Variants in CTPS2 observed in about 807,000 individuals in gnomAD.
CTPS2 encodes the protein CTP synthase 2.
Under a neutral mutation model 46.8 loss-of-function variants are expected in CTPS2, and 19 were observed. The ratio of observed to expected loss-of-function variants is 0.41; its 90% CI spans 0.28 to 0.60. The LOEUF (loss-of-function observed/expected upper bound fraction) is 0.60. CTPS2 is among the 20% of genes least tolerant of loss of function. CTPS2 has a pLI of 0.35. For synonymous variants in CTPS2, 151 were observed against 165.2 expected (o/e 0.91, Z 0.66); for missense variants, 286 against 447.6 (o/e 0.64, Z 3.26).
intron 15 of CTPS2, among the ~76,000 whole-genome samples, chrX:16,619,111 T>C (rs748193263): frequency 1.8e-5 from 2 of 112,451 alleles, no homozygotes; most frequent in South Asian, 7.4e-4. Flanking sequence ...ACCAAAAATG[T>C]CCTACATGTA....
At chrX:16,608,696 A>C (rs1390500078) in intron 17 of CTPS2, among the ~76,000 whole-genome samples, 1 of 111,854 alleles carries the variant, frequency 8.9e-6, no homozygotes, top group Non-Finnish European at 1.9e-5. Context: ...CTGATTTATA[A>C]TAATGCTATG....
At chrX:16,671,577 C>T (rs1320862046) in intron 10 of CTPS2, among the ~76,000 whole-genome samples, 1 of 94,947 alleles carries the variant, frequency 1.1e-5, no homozygotes, top group Admixed American at 1.3e-4. Flanking sequence ...TGCAGTGGCG[C>T]GATCTCGGCC....
At chrX:16,692,461 C>T (rs994904223) in intron 6 of CTPS2, among the ~76,000 whole-genome samples, 3 of 110,293 alleles carry the variant, frequency 2.7e-5, no homozygotes, top group African/African-American at 6.6e-5. Flanking sequence ...AGCCAGACCC[C>T]GTCTCAAAAA....
intron 13 of CTPS2, among the ~76,000 whole-genome samples, chrX:16,665,659 CT>C (rs1921110962): frequency 8.9e-6 from 1 of 111,769 alleles, no homozygotes; most frequent in Non-Finnish European, 1.9e-5. Flanking sequence ...TGTGGGGTTT[CT>C]TTTTGGAGTA....
At chrX:16,666,748 G>C (rs1265963146) in intron 13 of CTPS2, among the ~76,000 whole-genome samples, 2 of 111,547 alleles carry the variant, frequency 1.8e-5, no homozygotes, top group African/African-American at 6.5e-5. Flanking sequence ...AGTGGCTTTG[G>C]GACCCAGCCC....
intron 16 of CTPS2, among the ~76,000 whole-genome samples, chrX:16,614,765 T>C (rs1337588578): frequency 9.2e-6 from 1 of 108,766 alleles, no homozygotes; most frequent in African/African-American, 3.4e-5. Flanking sequence ...AAAAATTGGC[T>C]GCGCATGGTG....
intron 1 of CTPS2, among the ~76,000 whole-genome samples, chrX:16,705,720 C>A (rs1048529632): frequency 9.0e-6 from 1 of 111,418 alleles, no homozygotes; most frequent in Non-Finnish European, 1.9e-5. Flanking sequence ...TTGAGAACAG[C>A]CTGGGCAACA....
At chrX:16,668,768 GGAAA>G (rs1176587411) in intron 11 of CTPS2, among the ~76,000 whole-genome samples, 1 of 61,421 alleles carries the variant, frequency 1.6e-5, no homozygotes, top group African/African-American at 7.8e-5. Context: ...AAGGAAGGAA[GGAAA>G]GGAAGGAAGG....
At chrX:16,694,954 C>A (rs1924003524) in intron 4 of CTPS2, among the ~76,000 whole-genome samples, 1 of 111,092 alleles carries the variant, frequency 9.0e-6, no homozygotes, top group Non-Finnish European at 1.9e-5. Flanking sequence ...CATGATCATA[C>A]CACTGCACTC....
chrX:16,638,127 C>A (rs1484109117), intron 14 of CTPS2, among the ~76,000 whole-genome samples: 3 of 109,490 alleles, frequency 2.7e-5, no homozygotes, highest in Admixed American at 9.8e-5. Context: ...CGGTGGTAGG[C>A]GCCTGTAGTC....
intron 13 of CTPS2, among the ~76,000 whole-genome samples, chrX:16,664,058 G>C (rs199936972): frequency 3.0e-4 from 33 of 111,591 alleles, no homozygotes; most frequent in Non-Finnish European, 4.1e-4. Flanking sequence ...GGATGGTCTT[G>C]ATCTCCTGAC....
At chrX:16,667,432 C>A (rs922258938) in intron 13 of CTPS2, 82 bp downstream of exon 13, 1 of 1,036,347 alleles carries the variant, frequency 9.6e-7, no homozygotes, top group Non-Finnish European at 1.4e-6. Flanking sequence ...TGGCGCCCAG[C>A]CAATAGCCCC....
intron 12 of CTPS2, 50 bp downstream of exon 12, chrX:16,667,612 A>C: frequency 8.3e-7 from 1 of 1,202,525 alleles, no homozygotes. Context: ...AAAATATTTG[A>C]AGAGAGAAAA....
intron 13 of CTPS2, chrX:16,654,303 T>C: frequency 2.0e-6 from 1 of 506,364 alleles, no homozygotes. Context: ...AGCTGCCTTC[T>C]TGGCACACAG....
At chrX:16,656,217 A>G (rs1932814423) in intron 13 of CTPS2, among the ~76,000 whole-genome samples, 1 of 110,547 alleles carries the variant, frequency 9.0e-6, no homozygotes, top group Admixed American at 9.7e-5. Context: ...CTGTGCACAT[A>G]TCTGTGCTTT....
chrX:16,629,277 CT>C (rs1464613225), intron 14 of CTPS2, among the ~76,000 whole-genome samples: 1 of 112,631 alleles, frequency 8.9e-6, no homozygotes, highest in Non-Finnish European at 1.9e-5. Context: ...AACAAACACG[CT>C]TTAGCGAATG....
intron 14 of CTPS2, among the ~76,000 whole-genome samples, chrX:16,636,834 G>A (rs1241441721): frequency 3.6e-5 from 4 of 109,926 alleles, no homozygotes; most frequent in African/African-American, 9.9e-5. Context: ...GGAGAATGGC[G>A]TGAACCTGGG....
Position 16,691,612 on chromosome X carries a change from G to A in CTPS2, c.648C>T (p.Cys216=), listed in dbSNP as rs767819496. The change falls in exon 7 of 19, where the codon TGC becomes TGT. Residue 216 remains cysteine, a synonymous_variant. Coordinates refer to ENST00000359276, the MANE Select transcript of CTPS2 (RefSeq NM_175859.3). The part of the protein sequence containing the change: ...GLGLSPDLIV[C]RSSTPIEMAV... ...CCATCTCAATGGGCGTTGAACTTCG[G>A]CAGACAATCTGTCAAAGCCAGTTAT... 8.3e-7 allele frequency: 1 copy of A among 1,205,708 alleles called. No homozygotes were observed. Among genetic ancestry groups the A allele is most frequent in the African/African-American group, 1.7e-5 (1 of 57,262 alleles).
At chrX:16,663,008 A>T (rs1933010196) in intron 13 of CTPS2, among the ~76,000 whole-genome samples, 1 of 111,804 alleles carries the variant, frequency 8.9e-6, no homozygotes, top group African/African-American at 3.3e-5. Flanking sequence ...ACTAAATATG[A>T]GACTGGTTAA....
Sources: gnomAD v4.1 joint callset for allele counts (sites outside exome capture counted in the v4.1 genomes callset) on GRCh38, gnomAD v4.1.1 for gene constraint, MANE v1.5 for transcripts, NCBI Gene and HGNC (gene_info 2026-07-23, HGNC 2026-07-21) for gene names.